Variants in TMEM214 observed in about 807,000 individuals in gnomAD.
TMEM214 encodes transmembrane protein 214.
In TMEM214, 71 loss-of-function variants were observed where a neutral mutation model predicts 89.8. That is an observed-to-expected ratio of 0.79 (90% CI 0.65 to 0.96). The LOEUF (loss-of-function observed/expected upper bound fraction) is 0.96, where lower values mean the gene tolerates loss of function less well. Ranked by LOEUF, TMEM214 falls within the 40% of genes least tolerant of loss-of-function variation. The pLI, the probability that TMEM214 is intolerant of heterozygous loss-of-function variation, is 0.00. For synonymous variants in TMEM214, 332 were observed against 349.5 expected (o/e 0.95, Z 0.56); for missense variants, 754 against 843.4 (o/e 0.89, Z 1.31).
chr2:27,036,926 G>A (rs13021112), intron 7 of TMEM214, 140 bp downstream of exon 7: 638,238 of 1,073,996 alleles, frequency 0.59, 197,299 homozygotes, highest in East Asian at 0.76. Flanking sequence ...AGAATGTGAT[G>A]GTGAGGAAGG....
At chr2:27,037,877 G>T in intron 9 of TMEM214, 175 bp downstream of exon 9, 1 of 1,555,542 alleles carries the variant, frequency 6.4e-7, no homozygotes. Context: ...TGGATCCCAA[G>T]AGACAGCACA....
chr2:27,039,128 C>T lies in TMEM214; in HGVS notation c.1489C>T (p.Leu497=). 1 of 1,613,906 alleles carries T rather than the reference C, an allele frequency of 6.2e-7. No homozygotes were observed. Among genetic ancestry groups the T allele is most frequent in the Admixed American group, 1.7e-5 (1 of 60,024 alleles). The change falls in exon 13 of 17, where the codon CTG becomes TTG. Residue 497 remains leucine (L), a synonymous_variant. Coordinates refer to ENST00000238788, the MANE Select transcript of TMEM214 (RefSeq NM_017727.5). The part of the protein sequence containing the change: ...LLLLVFAVGF[L]CHDLRSHSSF... ...GCTGCTGGTCTTCGCTGTAGGCTTCCTGTGCCATGACCTCCGGTCACACAG... is the reference window on the plus strand; with the variant it reads ...GCTGCTGGTCTTCGCTGTAGGCTTCTTGTGCCATGACCTCCGGTCACACAG...
intron 13 of TMEM214, 28 bp downstream of exon 13, chr2:27,039,192 A>G: frequency 1.3e-6 from 2 of 1,598,760 alleles, no homozygotes; most frequent in Non-Finnish European, 1.7e-6. Flanking sequence ...AGCGAGGAGG[A>G]TGGTGTGGGC....
At position 27,040,478 on chromosome 2, in the gene TMEM214, A is replaced by G; in HGVS notation, c.1925A>G (p.His642Arg). 6.2e-7 allele frequency: 1 copy of G among 1,613,930 alleles called. No individual in the cohort carries two copies. The highest frequency in any genetic ancestry group is 8.5e-7 in the Non-Finnish European group (1 of 1,180,022). ...GAGGCCCTGGCCTGGGCCCAGGAGC[A>G]CTGCCATGAGGCATGCAGGTGAGAC... ...LLEALAWAQE[H>R]CHEACRGEVT... Residue 642 changes from histidine to arginine, a missense_variant, in exon 16 of 17, where the codon CAC becomes CGC. Coordinates refer to ENST00000238788, the MANE Select transcript of TMEM214 (RefSeq NM_017727.5).
intron 9 of TMEM214, 118 bp downstream of exon 9, chr2:27,037,820 T>G: frequency 6.3e-7 from 1 of 1,597,722 alleles, no homozygotes; most frequent in East Asian, 2.3e-5. Flanking sequence ...CTTAGCTCCC[T>G]GTTGACAGCT....
intron 13 of TMEM214, 139 bp from the exon 14 acceptor site, chr2:27,039,602 T>G: frequency 1.3e-6 from 1 of 768,164 alleles, no homozygotes; most frequent in Non-Finnish European, 2.3e-6. Flanking sequence ...CACAGCAGCC[T>G]GGAGCTGGCT....
intron 9 of TMEM214, 185 bp downstream of exon 9, chr2:27,037,887 A>G (rs766091245): frequency 1.1e-5 from 17 of 1,553,258 alleles, no homozygotes; most frequent in Non-Finnish European, 1.5e-5. Context: ...GAGACAGCAC[A>G]TTCAGGTCTG....
rs1164424271 is a variant in TMEM214 at position 27,038,488 on chromosome 2, C to T, written c.1249C>T (p.Leu417=). Residue 417 remains leucine, a synonymous_variant, in exon 11 of 17, where the codon CTG becomes TTG. Transcript: ENST00000238788. This position sits in a 1 kb window ranked among gnomAD's most constrained non-coding sequence, Gnocchi z 4.4. The part of the protein sequence containing the change: ...YPKHLSQSSL[L]LEHLLSSWEQ... ...GGGGTTGTGCTTTCCCCACAGCCTT[C>T]TGCTGGAGCACTTGCTCAGCTCCTG... 1.2e-6 allele frequency: 2 copies of T among 1,613,960 alleles called. No homozygotes were observed. The highest frequency in any genetic ancestry group is 2.7e-5 in the African/African-American group (2 of 74,930).
Position 27,040,453 on chromosome 2 carries a change from G to A in TMEM214, c.1900G>A (p.Glu634Lys). Residue 634 changes from glutamate to lysine, a missense_variant, in exon 16 of 17, where the codon GAG (glutamate) becomes AAG (lysine). Coordinates refer to ENST00000238788, the MANE Select transcript of TMEM214 (RefSeq NM_017727.5). The part of the protein sequence containing the change: ...VLLPLWHLLL[E>K]ALAWAQEHCH... ...GCTGCCACTGTGGCACCTCTTGCTT[G>A]AGGCCCTGGCCTGGGCCCAGGAGCA... The A allele has an allele frequency of 1.2e-6, 2 of 1,614,106 alleles. No homozygotes were observed. The highest frequency in any genetic ancestry group is 1.7e-6 in the Non-Finnish European group (2 of 1,180,016).
chr2:27,034,154 C>G lies in TMEM214; in HGVS notation c.239C>G (p.Ala80Gly). 1 of 1,614,178 alleles carries G rather than the reference C, an allele frequency of 6.2e-7. No homozygotes were observed. The highest frequency in any genetic ancestry group is 8.5e-7 in the Non-Finnish European group (1 of 1,180,038). Residue 80 changes from alanine (A) to glycine (G), a missense_variant, in exon 2 of 17, where the codon GCT becomes GGT. Ala to Gly is a moderately conservative substitution (Grantham distance 60). Transcript: ENST00000238788. The part of the protein sequence containing the change: ...RQNKEQVPPP[A>G]VEPKKPGNKK... ...AATAAGGAGCAGGTCCCACCCCCTGCTGTGGAACCTAAGAAACCAGGGAAC... is the reference window on the plus strand; with the variant it reads ...AATAAGGAGCAGGTCCCACCCCCTGGTGTGGAACCTAAGAAACCAGGGAAC...
intron 1 of TMEM214, 39 bp downstream of exon 1, chr2:27,033,205 G>T: frequency 8.0e-7 from 1 of 1,245,570 alleles, no homozygotes; most frequent in Non-Finnish European, 1.0e-6. Context: ...CCCCAGGCCT[G>T]TCCGGCAGGG....
rs116134717 is a variant in TMEM214 at position 27,040,547 on chromosome 2, G to A, written c.1943+51G>A. ...CAGGATCCCCAGCAGCCCCATTCCC[G>A]GGCCCCAGGGACAAGCCATCTCTAT... On this transcript the variant is annotated intron_variant, in intron 16 of 16. Coordinates refer to ENST00000238788, the MANE Select transcript of TMEM214 (RefSeq NM_017727.5). The A allele has an allele frequency of 3.2e-3, 5,149 of 1,599,884 alleles. 162 individuals are homozygous for A. The African/African-American group carries it at 0.061, about 19-fold the overall frequency.
rs1358490113 is a variant in TMEM214 at position 27,040,191 on chromosome 2, CT to C, written c.1785del (p.Gln596ArgfsTer11). On this transcript the variant is annotated frameshift_variant, in exon 15 of 17. Transcript: ENST00000238788. LOFTEE classifies it high-confidence loss of function. ...TTTGGTGACAGTCTCACCAGTCTCT[CT>C]CAGAGGGTAAGTCAGAGACAGGGAG... ...AWFGDSLTSL[S>X]QRLQIQLPDS... is the part of the protein sequence containing the mutation. 1.2e-6 allele frequency: 2 copies of C among 1,605,750 alleles called. No homozygotes were observed. The highest frequency in any genetic ancestry group is 1.7e-6 in the Non-Finnish European group (2 of 1,179,984).
rs751584469 is a variant in TMEM214 at position 27,035,638 on chromosome 2, C to T, written c.547C>T (p.Arg183Ter). The change falls in exon 4 of 17, where the codon CGA becomes TGA. Residue 183 changes from arginine (R) to a stop codon, truncating the protein, a stop_gained. Transcript: ENST00000238788. LOFTEE classifies it high-confidence loss of function. ...LVSRELRGII[R>*]GLLAKAAGSL... ...GAGCCGGGAGCTACGTGGGATCATC[C>T]GAGGGCTGCTGGCGAAGGCAGCAGG... 8.7e-6 allele frequency: 14 copies of T among 1,614,052 alleles called. No homozygotes were observed. The highest frequency in any genetic ancestry group is 6.6e-5 in the South Asian group (6 of 91,090).
chr2:27,035,280 C>T lies in TMEM214; in HGVS notation c.497C>T (p.Thr166Ile). 6.2e-7 allele frequency: 1 copy of T among 1,614,228 alleles called. No individual in the cohort carries two copies. Among genetic ancestry groups the T allele is most frequent in the Non-Finnish European group, 8.5e-7 (1 of 1,180,030 alleles). ...PLSEPTLSQH[T>I]HDYPYSLVSR... Reference sequence around the variant, plus strand: ...AGTGAACCCACGCTGAGCCAGCATACTCATGGTAAGTCCTTCCAGCTTCCT... The same window carrying T: ...AGTGAACCCACGCTGAGCCAGCATATTCATGGTAAGTCCTTCCAGCTTCCT... The change falls in exon 3 of 17, where the codon ACT (threonine) becomes ATT (isoleucine). Residue 166 changes from threonine (T) to isoleucine (I), a missense_variant. By Grantham distance (89) the Thr-to-Ile change is moderately conservative (BLOSUM62 -1). Transcript: ENST00000238788.
In TMEM214 at chr2:27,035,241, T is replaced by A; in HGVS notation, c.458T>A (p.Leu153Gln). ...CTGGCCAGCTATCTCAACTACAAGC[T>A]ACAAGCTCCTCTAAGTGAACCCACG... ...KDLASYLNYK[L>Q]QAPLSEPTLS... The change falls in exon 3 of 17, where the codon CTA (leucine) becomes CAA (glutamine). Residue 153 changes from leucine to glutamine, a missense_variant. By Grantham distance (113) the Leu-to-Gln change is moderately radical. Coordinates refer to ENST00000238788, the MANE Select transcript of TMEM214 (RefSeq NM_017727.5). The A allele has an allele frequency of 6.2e-7, 1 of 1,614,182 alleles. No individual in the cohort carries two copies. The highest frequency in any genetic ancestry group is 8.5e-7 in the Non-Finnish European group (1 of 1,180,036).
chr2:27,034,057 T>C lies in TMEM214; in HGVS notation c.152-10T>C, dbSNP rs1289419827. 6.2e-7 allele frequency: 1 copy of C among 1,613,924 alleles called. No homozygotes were observed. The highest frequency in any genetic ancestry group is 1.7e-5 in the Admixed American group (1 of 60,004). On this transcript the variant is annotated splice_polypyrimidine_tract_variant and intron_variant, in intron 1 of 16. Transcript: ENST00000238788. ...GGTGGCCTGCCTTTCTCTACCTATC[T>C]TCACCCCAGCTGCAATCCAGACCAC...
At chr2:27,040,305 T>A in intron 15 of TMEM214, 40 bp from the exon 16 acceptor site, 1 of 1,612,666 alleles carries the variant, frequency 6.2e-7, no homozygotes, top group Non-Finnish European at 8.5e-7. Context: ...AGGATGCAGT[T>A]CCCTGGATAC....
Position 27,035,468 on chromosome 2 carries a change from A to T in TMEM214, c.503-126A>T, listed in dbSNP as rs1433956736. 4.8e-5 allele frequency: 70 copies of T among 1,459,346 alleles called. No individual in the cohort carries two copies. The Admixed American group carries it at 1.5e-3, about 30-fold the overall frequency. The allele number at this position is 1,459,346 out of a possible 1,614,324, so 90.4% of individuals were successfully genotyped here. On this transcript the variant is annotated intron_variant, in intron 3 of 16. Transcript: ENST00000238788. ...TGATCCTCCCTCTGGGCCTCCTCAGAGGAAGGATCCCAGCCTCAGTGCAGG... is the reference window on the plus strand; with the variant it reads ...TGATCCTCCCTCTGGGCCTCCTCAGTGGAAGGATCCCAGCCTCAGTGCAGG...
Sources: gnomAD v4.1 joint callset for allele counts on GRCh38, gnomAD v4.1.1 for gene constraint, Gnocchi (gnomAD v3.1) non-coding constraint, MANE v1.5 for transcripts, NCBI Gene and HGNC (gene_info 2026-07-23, HGNC 2026-07-21) for gene names.